Variants in EYA1 observed in about 807,000 individuals in gnomAD.
The protein encoded by EYA1 is protein phosphatase EYA1.
In EYA1, 16 loss-of-function variants were observed where a neutral mutation model predicts 82.0. The observed-to-expected ratio is 0.20, with a 90% CI of 0.13 to 0.30. EYA1 has a LOEUF of 0.30. EYA1 is among the 10% of genes least tolerant of loss of function. EYA1 has a pLI of 1.00. For missense variants in EYA1, 633 were observed against 730.7 expected, an observed-to-expected ratio of 0.87 and a Z score of 1.54; for synonymous variants, 261 against 264.4, an observed-to-expected ratio of 0.99 and a Z score of 0.12.
intron 2 of EYA1, among the ~76,000 whole-genome samples, chr8:71,426,554 C>G (rs1202575780): frequency 6.6e-6 from 1 of 152,236 alleles, no homozygotes; most frequent in Non-Finnish European, 1.5e-5. Context: ...GAGGGCTGTT[C>G]TTGGGAGCAT....
intron 2 of EYA1, among the ~76,000 whole-genome samples, chr8:71,407,404 T>C (rs1420451436): frequency 1.8e-4 from 26 of 146,194 alleles, no homozygotes; most frequent in African/African-American, 6.1e-4. Context: ...GAGAAGAAGG[T>C]TTCAGACGAT....
intron 2 of EYA1, among the ~76,000 whole-genome samples, chr8:71,372,034 C>A (rs1274659048): frequency 6.6e-6 from 1 of 152,020 alleles, no homozygotes; most frequent in Non-Finnish European, 1.5e-5. Flanking sequence ...GACAATAAAG[C>A]CTAAAATTTA....
chr8:71,438,868 G>A (rs1403732025), intron 2 of EYA1, among the ~76,000 whole-genome samples: 2 of 152,164 alleles, frequency 1.3e-5, no homozygotes, highest in Admixed American at 6.5e-5. Context: ...CGGAGGTTTG[G>A]AGAATGTCTT....
chr8:71,430,405 C>T (rs1409340951), intron 2 of EYA1, among the ~76,000 whole-genome samples: 2 of 152,154 alleles, frequency 1.3e-5, no homozygotes, highest in Non-Finnish European at 2.9e-5. Context: ...ACAATCTGTT[C>T]GCTATACTTG....
chr8:71,513,262 A>G (rs1385931435), intron 2 of EYA1, among the ~76,000 whole-genome samples: 1 of 152,042 alleles, frequency 6.6e-6, no homozygotes, highest in Non-Finnish European at 1.5e-5. Context: ...AGATAAAACT[A>G]TTAGAATTTT....
intron 2 of EYA1, among the ~76,000 whole-genome samples, chr8:71,520,448 T>G (rs1358047663): frequency 6.6e-6 from 1 of 152,200 alleles, no homozygotes; most frequent in Non-Finnish European, 1.5e-5. Context: ...TGTTTTTGAC[T>G]GTTAAGAGCT....
At chr8:71,432,523 G>A (rs1424393874) in intron 2 of EYA1, among the ~76,000 whole-genome samples, 1 of 152,120 alleles carries the variant, frequency 6.6e-6, no homozygotes, top group Non-Finnish European at 1.5e-5. Flanking sequence ...GGTTTCTTCT[G>A]GAGCCTCTCT....
At chr8:71,385,871 G>A (rs1828942842) in intron 2 of EYA1, among the ~76,000 whole-genome samples, 2 of 152,058 alleles carry the variant, frequency 1.3e-5, no homozygotes, top group Non-Finnish European at 2.9e-5. Flanking sequence ...TATTCATAGG[G>A]AAACACCTAG....
At chr8:71,202,177 G>A (rs1807113868) in intron 17 of EYA1, among the ~76,000 whole-genome samples, 1 of 151,712 alleles carries the variant, frequency 6.6e-6, no homozygotes. Flanking sequence ...ATGCAAATCT[G>A]AAAACTATTG....
chr8:71,543,081 G>A (rs1175641858), intron 1 of EYA1, among the ~76,000 whole-genome samples: 2 of 152,118 alleles, frequency 1.3e-5, no homozygotes, highest in Admixed American at 1.3e-4. Context: ...TGTTGCAATT[G>A]CTTTTGGTGT....
At chr8:71,296,413 A>C (rs1819598547) in intron 9 of EYA1, among the ~76,000 whole-genome samples, 1 of 152,148 alleles carries the variant, frequency 6.6e-6, no homozygotes, top group African/African-American at 2.4e-5. Flanking sequence ...AATTATCTTT[A>C]TATGTCCATT....
chr8:71,448,878 G>T, intron 2 of EYA1: 1 of 170,012 alleles, frequency 5.9e-6, no homozygotes, highest in South Asian at 1.8e-4. Flanking sequence ...TAGGAGAACT[G>T]GGTTCATAAA....
chr8:71,436,694 C>T (rs551706828), intron 2 of EYA1, among the ~76,000 whole-genome samples: 4 of 152,190 alleles, frequency 2.6e-5, no homozygotes, highest in South Asian at 2.1e-4. Flanking sequence ...TTGTAAAAAT[C>T]GGATTAGTCA....
intron 2 of EYA1, chr8:71,403,460 T>C (rs1830059855): frequency 6.6e-6 from 1 of 152,186 alleles, no homozygotes. Flanking sequence ...GAGTTGGCAG[T>C]ATTTATTCAA....
At chr8:71,459,275 C>T (rs866079374) in intron 2 of EYA1, among the ~76,000 whole-genome samples, 4 of 152,142 alleles carry the variant, frequency 2.6e-5, no homozygotes, top group African/African-American at 9.7e-5. Flanking sequence ...CTTTTATTTG[C>T]GGTTCTCACT....
chr8:71,531,954 C>G (rs1268988524), intron 2 of EYA1, among the ~76,000 whole-genome samples: 3 of 152,144 alleles, frequency 2.0e-5, no homozygotes, highest in Non-Finnish European at 2.9e-5. Flanking sequence ...GACTTTCTGA[C>G]TTAACGTTTC....
intron 12 of EYA1, among the ~76,000 whole-genome samples, chr8:71,219,974 T>C (rs1381996676): frequency 6.6e-6 from 1 of 151,938 alleles, no homozygotes; most frequent in Non-Finnish European, 1.5e-5. Context: ...ACCCAGACAA[T>C]GAGATAACTG....
At chr8:71,539,480 G>C (rs1480754605) in intron 1 of EYA1, among the ~76,000 whole-genome samples, 1 of 152,186 alleles carries the variant, frequency 6.6e-6, no homozygotes, top group Non-Finnish European at 1.5e-5. Flanking sequence ...TTGCTGAGCA[G>C]AATGGGCAGG....
intron 2 of EYA1, among the ~76,000 whole-genome samples, chr8:71,436,809 G>A (rs1387925700): frequency 1.3e-5 from 2 of 152,048 alleles, no homozygotes; most frequent in Non-Finnish European, 2.9e-5. Context: ...ATTGAAAAAT[G>A]TTTGCCTGGA....
Sources: allele counts gnomAD v4.1 joint callset (sites outside exome capture counted in the v4.1 genomes callset), GRCh38; gene constraint gnomAD v4.1.1; transcripts MANE v1.5; gene names NCBI Gene and HGNC (gene_info 2026-07-23, HGNC 2026-07-21).